The following DPP10 variants were observed in gnomAD, a reference collection of about 807,000 sequenced individuals.
DPP10 encodes the protein dipeptidyl peptidase like 10.
Under a neutral mutation model 120.9 loss-of-function variants are expected in DPP10, and 33 were observed. The observed-to-expected ratio is 0.27, with a 90% CI of 0.21 to 0.37. The LOEUF is 0.37. Among genes scored for constraint, DPP10 ranks in the 10% least tolerant of loss-of-function variants. The pLI, the probability that DPP10 is intolerant of heterozygous loss-of-function variation, is 1.00. For missense variants in DPP10, 816 were observed against 942.8 expected (o/e 0.87, Z 1.76); for synonymous variants, 337 against 326.1 (o/e 1.03, Z -0.36).
intron 5 of DPP10, among the ~76,000 whole-genome samples, chr2:115,629,525 G>A (rs1239478329): frequency 6.6e-6 from 1 of 152,166 alleles, no homozygotes; most frequent in Non-Finnish European, 1.5e-5. Context: ...GTGTGAGATG[G>A]TATCTCATTG....
chr2:115,330,616 G>T (rs1157663846), intron 2 of DPP10, among the ~76,000 whole-genome samples: 2 of 151,964 alleles, frequency 1.3e-5, no homozygotes, highest in East Asian at 1.9e-4. Context: ...TTTGTATAAG[G>T]TGTAAGGAAG....
chr2:114,952,486 G>C (rs144387016), intron 1 of DPP10, among the ~76,000 whole-genome samples: 25 of 152,260 alleles, frequency 1.6e-4, no homozygotes, highest in Middle Eastern at 3.4e-3. Flanking sequence ...GCAACACCAA[G>C]AGCCACCACT....
intron 1 of DPP10, among the ~76,000 whole-genome samples, chr2:115,205,613 A>G (rs1311392498): frequency 6.6e-6 from 1 of 152,150 alleles, no homozygotes; most frequent in Non-Finnish European, 1.5e-5. Flanking sequence ...AATTCCAAAG[A>G]CATGGAATTA....
At chr2:114,787,108 T>C (rs998092505) in intron 1 of DPP10, among the ~76,000 whole-genome samples, 9 of 152,158 alleles carry the variant, frequency 5.9e-5, no homozygotes, top group African/African-American at 1.4e-4. Flanking sequence ...AGTGATGTCA[T>C]AGAAAATGAC....
intron 1 of DPP10, among the ~76,000 whole-genome samples, chr2:114,875,501 C>A (rs2106577629): frequency 6.6e-6 from 1 of 152,244 alleles, no homozygotes; most frequent in South Asian, 2.1e-4. Context: ...AGTGAAAGCT[C>A]TGTTGAGAAA....
intron 1 of DPP10, among the ~76,000 whole-genome samples, chr2:114,776,119 A>C (rs1431034232): frequency 1.3e-5 from 2 of 152,222 alleles, no homozygotes; most frequent in Non-Finnish European, 2.9e-5. Context: ...TTTTAGATAT[A>C]GCTCTAGATA....
At chr2:114,590,800 G>C (rs1414953631) in intron 1 of DPP10, among the ~76,000 whole-genome samples, 1 of 152,172 alleles carries the variant, frequency 6.6e-6, no homozygotes, top group Non-Finnish European at 1.5e-5. Flanking sequence ...AAGGAGTTTT[G>C]AGCATTTATT....
intron 5 of DPP10, among the ~76,000 whole-genome samples, chr2:115,591,142 CA>C (rs1217821122): frequency 6.6e-6 from 1 of 152,150 alleles, no homozygotes; most frequent in East Asian, 1.9e-4. Context: ...TTTTGCTGTG[CA>C]AAAGCTCTTT....
chr2:115,455,508 A>C (rs995566060), intron 3 of DPP10, among the ~76,000 whole-genome samples: 2 of 152,158 alleles, frequency 1.3e-5, no homozygotes, highest in Non-Finnish European at 2.9e-5. Flanking sequence ...CACATAGCCA[A>C]GACAATCCTA....
chr2:115,761,841 A>T (rs1461426999), intron 11 of DPP10, among the ~76,000 whole-genome samples: 1 of 152,144 alleles, frequency 6.6e-6, no homozygotes, highest in African/African-American at 2.4e-5. Context: ...GAAAGCCCCT[A>T]ATATGTTGTT....
intron 4 of DPP10, among the ~76,000 whole-genome samples, chr2:115,514,798 T>G (rs1231820435): frequency 2.6e-5 from 4 of 151,918 alleles, no homozygotes; most frequent in Non-Finnish European, 4.4e-5. Context: ...CTGTTGCAGA[T>G]GTATATATCA....
intron 1 of DPP10, among the ~76,000 whole-genome samples, chr2:114,692,701 T>C (rs1269500592): frequency 3.3e-5 from 5 of 152,050 alleles, no homozygotes; most frequent in Non-Finnish European, 7.4e-5. Context: ...CCACTATTAT[T>C]GTGTGGGAGT....
intron 1 of DPP10, among the ~76,000 whole-genome samples, chr2:115,280,261 T>A (rs2060103946): frequency 6.6e-6 from 1 of 152,192 alleles, no homozygotes; most frequent in Non-Finnish European, 1.5e-5. Flanking sequence ...ATCTATGTCT[T>A]CTACTTTTAG....
At chr2:115,676,242 C>A (rs980920300) in intron 5 of DPP10, among the ~76,000 whole-genome samples, 3 of 152,294 alleles carry the variant, frequency 2.0e-5, no homozygotes, top group Admixed American at 6.5e-5. Context: ...CACAGAATGG[C>A]CACAAAGGCA....
intron 2 of DPP10, among the ~76,000 whole-genome samples, chr2:115,332,842 C>T (rs1350212587): frequency 6.6e-6 from 1 of 152,062 alleles, no homozygotes; most frequent in African/African-American, 2.4e-5. Flanking sequence ...GCATTCCTTC[C>T]AAGTATGTGG....
intron 5 of DPP10, among the ~76,000 whole-genome samples, chr2:115,600,999 AT>A (rs2083288716): frequency 6.6e-6 from 1 of 152,164 alleles, no homozygotes; most frequent in Non-Finnish European, 1.5e-5. Context: ...AAATAGAAAA[AT>A]AATAAAAAGC....
intron 1 of DPP10, among the ~76,000 whole-genome samples, chr2:114,469,684 C>A (rs1679741143): frequency 6.6e-6 from 1 of 152,048 alleles, no homozygotes; most frequent in Non-Finnish European, 1.5e-5. Flanking sequence ...GCTGAGATTG[C>A]ACCACTGCAC....
intron 1 of DPP10, among the ~76,000 whole-genome samples, chr2:114,621,572 T>C (rs1008632862): frequency 2.6e-5 from 4 of 152,012 alleles, no homozygotes; most frequent in African/African-American, 9.7e-5. Flanking sequence ...CATTAAATTA[T>C]AATACTTCAT....
At chr2:114,521,794 A>G (rs1025964361) in intron 1 of DPP10, among the ~76,000 whole-genome samples, 4 of 146,938 alleles carry the variant, frequency 2.7e-5, no homozygotes, top group Non-Finnish European at 4.5e-5. Context: ...TATAGATACT[A>G]TTATCCAAGG....
Sources: gnomAD v4.1 joint callset for allele counts (sites outside exome capture counted in the v4.1 genomes callset) on GRCh38, gnomAD v4.1.1 for gene constraint, MANE v1.5 for transcripts, NCBI Gene and HGNC (gene_info 2026-07-23, HGNC 2026-07-21) for gene names.